The following PPM1B variants were observed in gnomAD, a reference collection of about 807,000 sequenced individuals.
The protein encoded by PPM1B is protein phosphatase, Mg2+/Mn2+ dependent 1B, also known as protein phosphatase 1B.
In PPM1B, 22 loss-of-function variants were observed where a neutral mutation model predicts 43.0. The observed-to-expected ratio is 0.51, with a 90% CI of 0.37 to 0.73. PPM1B has a LOEUF of 0.73. Ranked by LOEUF, PPM1B falls within the 30% of genes least tolerant of loss-of-function variation. The pLI is 0.00. For synonymous variants in PPM1B, 217 were observed against 197.9 expected (o/e 1.10, Z -0.81); for missense variants, 632 against 584.2 (o/e 1.08, Z -0.84).
intron 1 of PPM1B, among the ~76,000 whole-genome samples, chr2:44,177,888 G>T (rs1667662088): frequency 7.1e-6 from 1 of 140,144 alleles, no homozygotes; most frequent in Admixed American, 7.2e-5. Flanking sequence ...ATATTGCATA[G>T]TATTCCATTG....
At chr2:44,219,681 T>C (rs1478285783) in intron 5 of PPM1B, among the ~76,000 whole-genome samples, 1 of 152,156 alleles carries the variant, frequency 6.6e-6, no homozygotes, top group Non-Finnish European at 1.5e-5. Context: ...CGGTGGCTCA[T>C]GCCTGTAATC....
chr2:44,217,914 G>A, intron 3 of PPM1B, 53 bp from the exon 4 acceptor site: 1 of 1,083,914 alleles, frequency 9.2e-7, no homozygotes, highest in Non-Finnish European at 1.3e-6. Flanking sequence ...TCACTTCTTG[G>A]TGAGTACTGG....
At chr2:44,244,379 A>G in exon 6 of PPM1B, 4 of 1,348,822 alleles carry the variant, frequency 3.0e-6, no homozygotes, top group Non-Finnish European at 4.0e-6. Context: ...GCATTATATA[A>G]TTATAGTATT....
chr2:44,233,569 G>A, downstream of PPM1B: 1 of 985,774 alleles, frequency 1.0e-6, no homozygotes, highest in Non-Finnish European at 1.2e-6. Flanking sequence ...TGGATGCTTT[G>A]TAAACATTTT....
chr2:44,209,921 C>T lies in PPM1B; in HGVS notation c.964+594C>T, dbSNP rs144109968. 3.6e-3 allele frequency among the ~76,000 whole-genome samples: 541 copies of T among 152,238 alleles called. 3 individuals are homozygous for T. Among genetic ancestry groups the T allele is most frequent in the African/African-American group, 0.012 (502 of 41,548 alleles). ...AGGGAGAAGACAAATATGTCTGTTT[C>T]ACCACCAAAGAGAAACATAATTTGA... On this transcript the variant is annotated intron_variant, in intron 3 of 5. Transcript: ENST00000282412.
chr2:44,204,803 G>A lies in PPM1B; in HGVS notation c.846+2758G>A, dbSNP rs1041046452. Among the ~76,000 whole-genome samples the A allele has an allele frequency of 2.2e-5, 3 of 138,992 alleles. No homozygotes were observed. In the East Asian group the frequency reaches 6.4e-4, roughly 30 times the overall value. The allele number at this position is 138,992 out of a possible 152,430, so 91.2% of individuals were successfully genotyped here. Reference sequence around the variant, plus strand: ...GAACCCGGGAGGCAGAGCTTGCAGTGAGCCGAGATCACGCCACTGCACTCC... The same window carrying A: ...GAACCCGGGAGGCAGAGCTTGCAGTAAGCCGAGATCACGCCACTGCACTCC... On this transcript the variant is annotated intron_variant, in intron 2 of 5. Transcript: ENST00000282412.
chr2:44,174,993 G>A (rs534619091), intron 1 of PPM1B, among the ~76,000 whole-genome samples: 62 of 152,292 alleles, frequency 4.1e-4, no homozygotes, highest in African/African-American at 1.5e-3. Flanking sequence ...GGTGGCTCAC[G>A]CCTATAATCC....
intron 2 of PPM1B, among the ~76,000 whole-genome samples, chr2:44,202,811 T>C (rs1423826885): frequency 2.6e-5 from 4 of 152,184 alleles, no homozygotes; most frequent in Non-Finnish European, 5.9e-5. Flanking sequence ...TCCAGAGTAA[T>C]AGATAATTGG....
At position 44,201,269 on chromosome 2, in the gene PPM1B, T is replaced by C. The variant is rs377425941; in HGVS notation, c.70T>C (p.Tyr24His). ...NAHGAGNGLR[Y>H]GLSSMQGWRV... ...TCATGGTGCTGGGAATGGTTTACGT[T>C]ATGGCCTGAGCAGCATGCAAGGATG... Residue 24 changes from tyrosine to histidine, a missense_variant, in exon 2 of 6, where the codon TAT becomes CAT. Physicochemically the swap from Tyr to His is moderately conservative, Grantham distance 83 (BLOSUM62 2). Coordinates refer to ENST00000282412, the MANE Select transcript of PPM1B (RefSeq NM_002706.6). The surrounding 1 kb of genome is among the most constrained non-coding windows in gnomAD (Gnocchi z 5.4). The C allele has an allele frequency of 3.7e-6, 6 of 1,614,004 alleles. No homozygotes were observed. Among genetic ancestry groups the C allele is most frequent in the Non-Finnish European group, 5.1e-6 (6 of 1,179,996 alleles).
In PPM1B at chr2:44,208,320, T is replaced by C. The variant is rs1254822157; in HGVS notation, c.847-890T>C. On this transcript the variant is annotated intron_variant, in intron 2 of 5. Transcript: ENST00000282412. Reference sequence around the variant, plus strand: ...TACTTGCGACTATATAGCAATCTGATGTCTTTTCTTTTAAAAGTTATCACA... The same window carrying C: ...TACTTGCGACTATATAGCAATCTGACGTCTTTTCTTTTAAAAGTTATCACA... Among the ~76,000 whole-genome samples, 8 of 152,370 alleles carry C rather than the reference T, an allele frequency of 5.3e-5. No individual in the cohort carries two copies. The East Asian group carries it at 1.5e-3, about 29-fold the overall frequency.
At chr2:44,234,390 T>A, downstream of PPM1B, 9 of 489,736 alleles carry the variant, frequency 1.8e-5, no homozygotes, top group Non-Finnish European at 2.4e-5. Context: ...ATGGTGGTGC[T>A]TGCCTGTAAT....
intron 5 of PPM1B, among the ~76,000 whole-genome samples, chr2:44,243,256 C>A (rs558657655): frequency 1.7e-4 from 26 of 152,168 alleles, no homozygotes; most frequent in East Asian, 1.9e-4. Flanking sequence ...TCCCTTTTAC[C>A]CTTCATATAC....
intron 1 of PPM1B, among the ~76,000 whole-genome samples, chr2:44,185,639 T>C (rs1431466339): frequency 1.3e-5 from 2 of 152,224 alleles, no homozygotes; most frequent in African/African-American, 4.8e-5. Context: ...ACTTATGATT[T>C]CAGAGAATCT....
chr2:44,232,416 C>G, downstream of PPM1B: 1 of 1,591,140 alleles, frequency 6.3e-7, no homozygotes, highest in Non-Finnish European at 8.5e-7. Flanking sequence ...CAATTTTCTT[C>G]AATACAAGGG....
intron 2 of PPM1B, among the ~76,000 whole-genome samples, chr2:44,206,308 G>A (rs1669186156): frequency 6.6e-6 from 1 of 152,084 alleles, no homozygotes. Flanking sequence ...AAAAACAATG[G>A]CACAAAGGAA....
chr2:44,218,415 G>C, intron 4 of PPM1B, 65 bp from the exon 5 acceptor site: 1 of 1,224,218 alleles, frequency 8.2e-7, no homozygotes, highest in Non-Finnish European at 1.2e-6. Context: ...ATGAAATATT[G>C]AGATATTCAC....
chr2:44,178,431 C>T (rs1410399144), intron 1 of PPM1B, among the ~76,000 whole-genome samples: 4 of 146,784 alleles, frequency 2.7e-5, no homozygotes, highest in Admixed American at 2.0e-4. Flanking sequence ...TATACTCCTA[C>T]CAGTGGTGTA....
intron 3 of PPM1B, 164 bp from the exon 4 acceptor site, chr2:44,217,803 T>A (rs1032733789): frequency 3.3e-5 from 14 of 429,488 alleles, no homozygotes; most frequent in Non-Finnish European, 4.2e-5. Flanking sequence ...TTTCAGTCAA[T>A]AAGTAGCTTT....
intron 1 of PPM1B, among the ~76,000 whole-genome samples, chr2:44,176,000 G>C (rs550271674): frequency 1.4e-4 from 21 of 152,202 alleles, no homozygotes; most frequent in African/African-American, 5.1e-4. Flanking sequence ...TGGTCATGCT[G>C]GTCTGGAACT....
Sources: allele counts gnomAD v4.1 joint callset (sites outside exome capture counted in the v4.1 genomes callset), GRCh38; gene constraint gnomAD v4.1.1; non-coding constraint Gnocchi (gnomAD v3.1); transcripts MANE v1.5; gene names NCBI Gene and HGNC (gene_info 2026-07-23, HGNC 2026-07-21).